Variants in HHLA1 observed in about 807,000 individuals in gnomAD.
HHLA1 encodes the protein HHLA1 neighbor of OC90.
HHLA1 carries 72 observed loss-of-function variants against 69.9 expected under a neutral mutation model. The observed-to-expected ratio is 1.03, with a 90% CI of 0.85 to 1.25. The LOEUF is 1.25. Ranked by LOEUF, HHLA1 falls within the 50% of genes most tolerant of loss-of-function variation. The pLI is 0.00. For missense variants in HHLA1, 685 were observed against 642.2 expected (o/e 1.07, Z -0.72); for synonymous variants, 252 against 233.2 (o/e 1.08, Z -0.73).
At chr8:132,101,808 A>G (rs1053690039) in intron 3 of HHLA1, among the ~76,000 whole-genome samples, 19 of 152,128 alleles carry the variant, frequency 1.2e-4, no homozygotes, top group Non-Finnish European at 2.9e-5. Context: ...TCCTGACCTC[A>G]TGATCTGCCT....
chr8:132,070,173 G>C, intron 15 of HHLA1: 1 of 576,010 alleles, frequency 1.7e-6, no homozygotes, highest in Admixed American at 3.0e-5. Context: ...TTGGTATCCA[G>C]GCCACTGGAG....
intron 14 of HHLA1, among the ~76,000 whole-genome samples, chr8:132,073,183 T>G (rs1380569531): frequency 6.6e-6 from 1 of 152,204 alleles, no homozygotes; most frequent in African/African-American, 2.4e-5. Flanking sequence ...CTTGCTATGT[T>G]GCCCAGGCTG....
At position 132,076,492 on chromosome 8, in the gene HHLA1, G is replaced by C. The variant is rs771407042; in HGVS notation, c.1223C>G (p.Pro408Arg). ...QTPSPTKATAPRYPQTGDLSA... is the reference protein window; with the variant it reads ...QTPSPTKATARRYPQTGDLSA... ...TTTCTCACCTGTTTGTGGATATCTGGGGGCTGTTGCCTTGGTTGGACTCGG... is the reference window on the plus strand; with the variant it reads ...TTTCTCACCTGTTTGTGGATATCTGCGGGCTGTTGCCTTGGTTGGACTCGG... Residue 408 changes from proline (P) to arginine (R), a missense_variant, in exon 13 of 17, where the codon CCC (proline) becomes CGC (arginine). By Grantham distance (103) the Pro-to-Arg change is moderately radical. Coordinates refer to ENST00000414222, the MANE Select transcript of HHLA1 (RefSeq NM_001145095.3). The C allele has an allele frequency of 6.5e-7, 1 of 1,546,252 alleles. No individual in the cohort carries two copies. Among genetic ancestry groups the C allele is most frequent in the African/African-American group, 1.4e-5 (1 of 72,418 alleles).
At chr8:132,090,128 T>C (rs1008153674) in intron 7 of HHLA1, among the ~76,000 whole-genome samples, 1 of 152,202 alleles carries the variant, frequency 6.6e-6, no homozygotes, top group Non-Finnish European at 1.5e-5. Flanking sequence ...GCCCCCTTTT[T>C]AAAGGAACTG....
At chr8:132,071,301 A>G (rs772717504) in intron 15 of HHLA1, 39 bp downstream of exon 15, 72 of 1,525,654 alleles carry the variant, frequency 4.7e-5, no homozygotes, top group Non-Finnish European at 6.0e-5. Flanking sequence ...AGAAAGCTAT[A>G]AATATTCCAT....
At chr8:132,071,566 A>T in intron 14 of HHLA1, 73 bp from the exon 15 acceptor site, 1 of 1,401,964 alleles carries the variant, frequency 7.1e-7, no homozygotes, top group Non-Finnish European at 9.8e-7. Flanking sequence ...TAAGCCCTGC[A>T]TCAGGTGAAT....
rs1563742925 is a variant in HHLA1, at chr8:132,079,708, T to C, written c.925+10A>G. ...AGCAAAGGGGAGGAAAGGGTGAGAA[T>C]GCATCTTACCCAAGGCTGGGAGAGT... On this transcript the variant is annotated intron_variant, in intron 11 of 16. Coordinates refer to ENST00000414222, the MANE Select transcript of HHLA1 (RefSeq NM_001145095.3). 6.5e-7 allele frequency: 1 copy of C among 1,538,456 alleles called. No homozygotes were observed. Among genetic ancestry groups the C allele is most frequent in the Non-Finnish European group, 8.8e-7 (1 of 1,141,144 alleles).
intron 2 of HHLA1, among the ~76,000 whole-genome samples, chr8:132,104,599 A>G (rs1824173245): frequency 1.3e-5 from 2 of 152,182 alleles, no homozygotes; most frequent in African/African-American, 4.8e-5. Flanking sequence ...TGTATACAGA[A>G]CAGCACAAGC....
intron 10 of HHLA1, chr8:132,080,334 A>G: frequency 2.8e-6 from 1 of 358,008 alleles, no homozygotes; most frequent in Non-Finnish European, 5.5e-6. Flanking sequence ...GTCCGAAAAG[A>G]GAGTCAGTGA....
rs1040165117 is a variant in HHLA1 at position 132,100,099 on chromosome 8, C to G, written c.175G>C (p.Gly59Arg). 2 of 1,551,348 alleles carry G rather than the reference C, an allele frequency of 1.3e-6. No individual in the cohort carries two copies. Among genetic ancestry groups the G allele is most frequent in the African/African-American group, 1.4e-5 (1 of 73,024 alleles). Residue 59 changes from glycine (G) to arginine (R), a missense_variant, in exon 4 of 17, where the codon GGG (glycine) becomes CGG (arginine). Physicochemically the swap from Gly to Arg is moderately radical, Grantham distance 125 (BLOSUM62 -2). Coordinates refer to ENST00000414222, the MANE Select transcript of HHLA1 (RefSeq NM_001145095.3). The stretch of plus-strand genomic sequence containing the variant: ...CCCGTCGTAGCAAGAAATGCCACCC[C>G]CTTCTCCTTCCTCTCTTCTTCTCTA... ...GLREEERKEK[G>R]VAFLATTELP... is the part of the protein sequence containing the mutation.
At position 132,063,152 on chromosome 8, in the gene HHLA1, T is replaced by C. The variant is rs2130871100; in HGVS notation, c.*843A>G. 6.6e-6 allele frequency: 1 copy of C among 152,372 alleles called. No homozygotes were observed. Among genetic ancestry groups the C allele is most frequent in the South Asian group, 2.1e-4 (1 of 4,828 alleles). 9.4% of individuals were successfully genotyped at this position (152,372 alleles called of 1,614,324 possible). ...TTCTGGGAGGATTAGATGCTGACTG[T>C]GCAACCCCACTGGAAGCTTGTGCCT... On this transcript the variant is annotated 3_prime_UTR_variant, in exon 17 of 17. Transcript: ENST00000414222.
At chr8:132,092,863 G>A (rs898731677) in intron 7 of HHLA1, among the ~76,000 whole-genome samples, 1 of 152,160 alleles carries the variant, frequency 6.6e-6, no homozygotes, top group African/African-American at 2.4e-5. Flanking sequence ...ACCTACCTTA[G>A]GCTATGAGAA....
At chr8:132,108,827 A>G (rs1165840864) in intron 1 of HHLA1, among the ~76,000 whole-genome samples, 1 of 152,130 alleles carries the variant, frequency 6.6e-6, no homozygotes, top group East Asian at 1.9e-4. Context: ...CACAAACCTC[A>G]CAAAAATAAA....
intron 7 of HHLA1, among the ~76,000 whole-genome samples, chr8:132,090,843 C>A (rs1045175687): frequency 6.6e-6 from 1 of 150,574 alleles, no homozygotes; most frequent in African/African-American, 2.5e-5. Context: ...ACTGCAAGTT[C>A]CGCCTCCCAG....
chr8:132,071,690 G>T (rs1823548342), intron 14 of HHLA1, among the ~76,000 whole-genome samples, 197 bp from the exon 15 acceptor site: 1 of 152,164 alleles, frequency 6.6e-6, no homozygotes, highest in Non-Finnish European at 1.5e-5. Context: ...GAAAGAAGGT[G>T]GTGATCGAGT....
chr8:132,098,619 A>G lies in HHLA1; in HGVS notation c.280+263T>C, dbSNP rs771727799. 2.0e-5 allele frequency among the ~76,000 whole-genome samples: 3 copies of G among 152,148 alleles called. No homozygotes were observed. The East Asian group carries it at 5.8e-4, about 29-fold the overall frequency. The stretch of plus-strand genomic sequence containing the variant: ...TGGGACCACAGGCATGCACCACTGC[A>G]CGCAGCTAATTTTTGTATTTTTTGT... On this transcript the variant is annotated intron_variant, in intron 5 of 16. Coordinates refer to ENST00000414222, the MANE Select transcript of HHLA1 (RefSeq NM_001145095.3).
intron 14 of HHLA1, among the ~76,000 whole-genome samples, chr8:132,072,918 G>C (rs1157467643): frequency 6.6e-6 from 1 of 151,284 alleles, no homozygotes; most frequent in Non-Finnish European, 1.5e-5. Context: ...AAAAAAAAAA[G>C]AGTTTATTGC....
chr8:132,100,497 G>T (rs1177196065), intron 3 of HHLA1, among the ~76,000 whole-genome samples: 1 of 152,180 alleles, frequency 6.6e-6, no homozygotes, highest in African/African-American at 2.4e-5. Context: ...CTACTTTCTA[G>T]AACTGTAGAG....
At chr8:132,066,453 C>A (rs1329833039) in intron 15 of HHLA1, among the ~76,000 whole-genome samples, 1 of 152,186 alleles carries the variant, frequency 6.6e-6, no homozygotes, top group Non-Finnish European at 1.5e-5. Context: ...ATTATCAATG[C>A]AGCAAACACT....
Sources: gnomAD v4.1 joint callset for allele counts (sites outside exome capture counted in the v4.1 genomes callset) on GRCh38, gnomAD v4.1.1 for gene constraint, MANE v1.5 for transcripts, NCBI Gene and HGNC (gene_info 2026-07-23, HGNC 2026-07-21) for gene names.